RORA: variants seen among roughly 807,000 people sequenced by gnomAD.
RORA encodes the protein nuclear receptor ROR-alpha.
Under a neutral mutation model 69.5 loss-of-function variants are expected in RORA, and 7 were observed. That is an observed-to-expected ratio of 0.10 (90% CI 0.06 to 0.19). The LOEUF is 0.19. Ranked by LOEUF, RORA falls within the 10% of genes least tolerant of loss-of-function variation. The pLI is 1.00. For missense variants in RORA, 457 were observed against 663.0 expected, an observed-to-expected ratio of 0.69 and a Z score of 3.41; for synonymous variants, 261 against 240.8, an observed-to-expected ratio of 1.08 and a Z score of -0.78.
intron 2 of RORA, among the ~76,000 whole-genome samples, chr15:60,674,191 C>T (rs1173085559): frequency 6.6e-6 from 1 of 152,162 alleles, no homozygotes; most frequent in East Asian, 1.9e-4. Flanking sequence ...ATTAGCTTTG[C>T]CAAGAATGGT....
At chr15:60,597,638 A>G (rs1236214048) in intron 2 of RORA, among the ~76,000 whole-genome samples, 1 of 86,030 alleles carries the variant, frequency 1.2e-5, no homozygotes, top group East Asian at 5.9e-4. Flanking sequence ...ATATACATAT[A>G]TATATATATA....
chr15:60,763,096 T>TTTTTTTTTTTTTTTTTTTTTTTA lies in RORA; in HGVS notation c.167-84411_167-84410insTAAAAAAAAAAAAAAAAAAAAAA, dbSNP rs375632043. ...TTTTTTTTTTTTTTTTTTTTTTTTT[T>TTTTTTTTTTTTTTTTTTTTTTTA]AACCAACCTACCAAAGCAAAGGCAG... On this transcript the variant is annotated intron_variant, in intron 1 of 10. Coordinates refer to ENST00000335670, the MANE Select transcript of RORA (RefSeq NM_134261.3). Among the ~76,000 whole-genome samples the TTTTTTTTTTTTTTTTTTTTTTTA allele has an allele frequency of 3.7e-5, 4 of 109,368 alleles. 2 individuals are homozygous for TTTTTTTTTTTTTTTTTTTTTTTA. The highest frequency in any genetic ancestry group is 3.9e-5 in the Non-Finnish European group (2 of 51,656). The allele number at this position is 109,368 out of a possible 152,430, so 71.7% of individuals were successfully genotyped here. A position where few individuals can be genotyped will look rare whatever the true frequency, so the allele number is the denominator to read the frequency against.
At chr15:60,660,389 T>A (rs902280584) in intron 2 of RORA, among the ~76,000 whole-genome samples, 1 of 152,226 alleles carries the variant, frequency 6.6e-6, no homozygotes, top group Non-Finnish European at 1.5e-5. Context: ...GATATTTTGC[T>A]AAATCTTACA....
intron 1 of RORA, among the ~76,000 whole-genome samples, chr15:60,820,249 T>G (rs1439056606): frequency 6.6e-6 from 1 of 152,186 alleles, no homozygotes; most frequent in Admixed American, 6.5e-5. Flanking sequence ...GCACGTGTTT[T>G]GAAAGTTGCC....
intron 1 of RORA, among the ~76,000 whole-genome samples, chr15:60,685,759 G>A (rs1596125707): frequency 6.6e-6 from 1 of 152,308 alleles, no homozygotes. Flanking sequence ...TGCCAGGGTT[G>A]CAGGGACCAA....
At chr15:60,688,860 A>G (rs2070783478) in intron 1 of RORA, among the ~76,000 whole-genome samples, 1 of 152,178 alleles carries the variant, frequency 6.6e-6, no homozygotes, top group African/African-American at 2.4e-5. Flanking sequence ...GCCTAAGCCA[A>G]TGACTATAGG....
In RORA at chr15:61,046,337, AG is replaced by A. The variant is rs535732933; in HGVS notation, c.166+182715del. ...CACCCCATTCTGGCAAAACATGGTCAGCTCTTTCTCAGCTTTGATAATTGTC... is the reference window on the plus strand; with the variant it reads ...CACCCCATTCTGGCAAAACATGGTCACTCTTTCTCAGCTTTGATAATTGTC... On this transcript the variant is annotated intron_variant, in intron 1 of 10. Coordinates refer to ENST00000335670, the MANE Select transcript of RORA (RefSeq NM_134261.3). Among the ~76,000 whole-genome samples the A allele has an allele frequency of 2.8e-3, 423 of 152,332 alleles. 6 individuals carry two copies. Among genetic ancestry groups the A allele is most frequent in the Non-Finnish European group, 6.8e-4 (46 of 68,026 alleles).
chr15:60,663,830 GGT>G (rs1262817174), intron 2 of RORA, among the ~76,000 whole-genome samples: 1 of 152,162 alleles, frequency 6.6e-6, no homozygotes, highest in African/African-American at 2.4e-5. Flanking sequence ...GTAGATGATT[GGT>G]CACACACAGA....
intron 2 of RORA, chr15:60,598,317 A>G (rs970740177): frequency 6.6e-6 from 1 of 152,162 alleles, no homozygotes; most frequent in Non-Finnish European, 1.5e-5. Flanking sequence ...TGTGTGTGTC[A>G]TGTATATAAA....
In RORA at chr15:61,030,524, T is replaced by A. The variant is rs780219961; in HGVS notation, c.166+198529A>T. 1.2e-4 allele frequency among the ~76,000 whole-genome samples: 19 copies of A among 152,280 alleles called. No individual in the cohort carries two copies. The East Asian group carries it at 1.3e-3, about 11-fold the overall frequency. On this transcript the variant is annotated intron_variant, in intron 1 of 10. Coordinates refer to ENST00000335670, the MANE Select transcript of RORA (RefSeq NM_134261.3). The stretch of plus-strand genomic sequence containing the variant: ...AGAGTGGGTTTTAGAAGAGAAGGAA[T>A]AATCCATGGTGCACAGGTCCTGAGA...
Position 60,876,320 on chromosome 15 carries a change from G to C in RORA, c.167-197634C>G, listed in dbSNP as rs917068250. ...GGGCTCTTACAGGAAGTGGGGGGGG[G>C]GGGGGGCGGCTAGGAGACCACCACA... On this transcript the variant is annotated intron_variant, in intron 1 of 10. Coordinates refer to ENST00000335670, the MANE Select transcript of RORA (RefSeq NM_134261.3). 1.4e-4 allele frequency among the ~76,000 whole-genome samples: 21 copies of C among 150,526 alleles called. 1 individual carries two copies. Among genetic ancestry groups the C allele is most frequent in the Non-Finnish European group, 2.8e-4 (19 of 67,298 alleles).
At chr15:60,588,375 T>C (rs1458508205) in intron 2 of RORA, among the ~76,000 whole-genome samples, 1 of 151,820 alleles carries the variant, frequency 6.6e-6, no homozygotes. Flanking sequence ...ACATAAGGGG[T>C]TTTGTTGATC....
intron 1 of RORA, among the ~76,000 whole-genome samples, chr15:61,142,258 A>G (rs569151880): frequency 2.0e-4 from 30 of 152,262 alleles, no homozygotes; most frequent in Admixed American, 7.2e-4. Flanking sequence ...ACTTGCTGGC[A>G]TATTTCCAAG....
intron 1 of RORA, among the ~76,000 whole-genome samples, chr15:60,908,352 T>C (rs1891605023): frequency 6.6e-6 from 1 of 152,154 alleles, no homozygotes; most frequent in Non-Finnish European, 1.5e-5. Flanking sequence ...AAAATACTAA[T>C]CAAAATGGAA....
At chr15:60,671,534 T>C (rs1434848937) in intron 2 of RORA, among the ~76,000 whole-genome samples, 1 of 152,040 alleles carries the variant, frequency 6.6e-6, no homozygotes, top group East Asian at 1.9e-4. Flanking sequence ...CCCAGCACTT[T>C]GGGAGGCTGA....
At chr15:61,042,194 T>C (rs1896806758) in intron 1 of RORA, among the ~76,000 whole-genome samples, 1 of 152,210 alleles carries the variant, frequency 6.6e-6, no homozygotes, top group Non-Finnish European at 1.5e-5. Flanking sequence ...TTTCCAAGCA[T>C]GACAAATCAT....
chr15:60,692,737 T>TA (rs1451821990), intron 1 of RORA, among the ~76,000 whole-genome samples: 2 of 152,134 alleles, frequency 1.3e-5, no homozygotes, highest in Non-Finnish European at 2.9e-5. Context: ...ATTTTCATAA[T>TA]AAAAAATTCA....
intron 1 of RORA, among the ~76,000 whole-genome samples, chr15:61,133,759 T>C (rs2079212899): frequency 6.6e-6 from 1 of 152,222 alleles, no homozygotes; most frequent in Admixed American, 6.5e-5. Flanking sequence ...GCATTATACT[T>C]AAGGTTTCTT....
chr15:61,201,693 G>A (rs1345369065), intron 1 of RORA, among the ~76,000 whole-genome samples: 1 of 152,040 alleles, frequency 6.6e-6, no homozygotes, highest in Non-Finnish European at 1.5e-5. Flanking sequence ...TTTTTCTGAT[G>A]AAACACAGAG....
Sources: gnomAD v4.1 joint callset for allele counts (sites outside exome capture counted in the v4.1 genomes callset) on GRCh38, gnomAD v4.1.1 for gene constraint, MANE v1.5 for transcripts, NCBI Gene and HGNC (gene_info 2026-07-23, HGNC 2026-07-21) for gene names.